Variants in GRIA3 observed in about 807,000 individuals in gnomAD.
GRIA3 encodes glutamate ionotropic receptor AMPA type subunit 3.
GRIA3 carries 3 observed loss-of-function variants against 63.0 expected under a neutral mutation model. The observed-to-expected ratio is 0.05, with a 90% CI of 0.02 to 0.12. GRIA3 has a LOEUF of 0.12. Ranked by LOEUF, GRIA3 falls within the 10% of genes least tolerant of loss-of-function variation. The pLI, the probability that GRIA3 is intolerant of heterozygous loss-of-function variation, is 1.00. For synonymous variants in GRIA3, 274 were observed against 257.9 expected (o/e 1.06, Z -0.60); for missense variants, 347 against 700.9 (o/e 0.50, Z 5.70).
intron 5 of GRIA3, among the ~76,000 whole-genome samples, chrX:123,381,760 T>C (rs768885190): frequency 3.6e-5 from 4 of 111,929 alleles, no homozygotes; most frequent in East Asian, 2.8e-4. Flanking sequence ...AATTTAGCAA[T>C]AGTTGATACA....
chrX:123,302,056 G>C (rs767746868), intron 3 of GRIA3, among the ~76,000 whole-genome samples: 2 of 112,034 alleles, frequency 1.8e-5, no homozygotes, highest in Non-Finnish European at 3.8e-5. Context: ...TAGAATAAAC[G>C]TATCTGGCCC....
intron 12 of GRIA3, among the ~76,000 whole-genome samples, chrX:123,444,127 C>G (rs1239664304): frequency 9.0e-6 from 1 of 111,289 alleles, no homozygotes; most frequent in Non-Finnish European, 1.9e-5. Context: ...AAAGATCTCT[C>G]CTACTATCAT....
At chrX:123,225,946 T>G (rs1486361340) in intron 2 of GRIA3, among the ~76,000 whole-genome samples, 2 of 111,887 alleles carry the variant, frequency 1.8e-5, no homozygotes, top group African/African-American at 6.5e-5. Context: ...CAAAAGATTA[T>G]CTTTCACAGT....
intron 2 of GRIA3, chrX:123,202,613 C>T (rs1178023676): frequency 8.6e-7 from 1 of 1,161,151 alleles, no homozygotes; most frequent in African/African-American, 1.8e-5. Flanking sequence ...AAGCAGCTTC[C>T]CCTCACCTTG....
chrX:123,414,699 G>C (rs2045526690), intron 10 of GRIA3, among the ~76,000 whole-genome samples: 1 of 107,751 alleles, frequency 9.3e-6, no homozygotes, highest in African/African-American at 3.4e-5. Context: ...TTGATAGTTT[G>C]CTGAGAATGA....
chrX:123,274,982 C>T (rs919443137), intron 3 of GRIA3, among the ~76,000 whole-genome samples: 41 of 111,206 alleles, frequency 3.7e-4, no homozygotes, highest in Non-Finnish European at 5.1e-4. Flanking sequence ...CAGTGGCTAA[C>T]GCACCTACCA....
intron 4 of GRIA3, among the ~76,000 whole-genome samples, chrX:123,331,180 T>G: frequency 9.0e-6 from 1 of 111,591 alleles, no homozygotes; most frequent in East Asian, 2.8e-4. Flanking sequence ...CTACCTAAAA[T>G]ATTATATAAT....
chrX:123,333,205 T>C (rs191346651), intron 4 of GRIA3, among the ~76,000 whole-genome samples: 128 of 112,144 alleles, frequency 1.1e-3, no homozygotes, highest in African/African-American at 3.8e-3. Context: ...GAGGTCAATC[T>C]GAGGTCATGC....
chrX:123,229,236 A>G (rs745671856), intron 2 of GRIA3, among the ~76,000 whole-genome samples: 1 of 111,415 alleles, frequency 9.0e-6, no homozygotes, highest in East Asian at 2.8e-4. Flanking sequence ...CCCCAGATTG[A>G]TGTGCTTTCC....
intron 12 of GRIA3, among the ~76,000 whole-genome samples, chrX:123,429,288 A>G (rs1331253466): frequency 3.6e-5 from 4 of 112,474 alleles, no homozygotes; most frequent in Admixed American, 2.8e-4. Context: ...AACCAGGAAG[A>G]GTACATTTCT....
At chrX:123,470,982 C>T (rs1458686789) in intron 13 of GRIA3, among the ~76,000 whole-genome samples, 1 of 112,142 alleles carries the variant, frequency 8.9e-6, no homozygotes, top group Non-Finnish European at 1.9e-5. Flanking sequence ...GATGGCACTT[C>T]CTGGGTCTTA....
At chrX:123,248,654 C>T (rs778786973) in intron 2 of GRIA3, among the ~76,000 whole-genome samples, 6 of 111,100 alleles carry the variant, frequency 5.4e-5, no homozygotes, top group South Asian at 3.9e-4. Flanking sequence ...GGCATGGTGG[C>T]GCATGCCTGT....
intron 12 of GRIA3, among the ~76,000 whole-genome samples, chrX:123,429,809 G>A (rs1451335382): frequency 9.0e-6 from 1 of 111,651 alleles, no homozygotes; most frequent in Non-Finnish European, 1.9e-5. Flanking sequence ...CCTCAGATAA[G>A]AGATACTTGT....
In GRIA3 at chrX:123,347,691, T is replaced by G. The variant is rs529562916; in HGVS notation, c.697-7219T>G. ...TATCCTACCAGCCATGCTTAAATTT[T>G]GCACACAATAATGGAACTAATAAGT... On this transcript the variant is annotated intron_variant, in intron 4 of 15. Coordinates refer to ENST00000620443, the MANE Select transcript of GRIA3 (RefSeq NM_007325.5). 2.7e-5 allele frequency among the ~76,000 whole-genome samples: 3 copies of G among 112,362 alleles called. No individual in the cohort carries two copies. The South Asian group carries it at 1.1e-3, about 42-fold the overall frequency.
chrX:123,205,856 TATG>T (rs1569398503), intron 2 of GRIA3, among the ~76,000 whole-genome samples: 1 of 111,744 alleles, frequency 8.9e-6, no homozygotes, highest in Admixed American at 9.5e-5. Context: ...TGCCTGTGCA[TATG>T]ATAATAAAAA....
In GRIA3 at chrX:123,463,969, C is replaced by T. The variant is rs1347890098; in HGVS notation, c.2077-896C>T. ...TATTTCTATACACTCTAAATAGAGA[C>T]AGACATTACCAACTACAATGTGCCT... On this transcript the variant is annotated intron_variant, in intron 12 of 15. Transcript: ENST00000620443. Among the ~76,000 whole-genome samples, 3 of 111,054 alleles carry T rather than the reference C, an allele frequency of 2.7e-5. No individual in the cohort carries two copies. In the East Asian group the frequency reaches 8.5e-4, roughly 32 times the overall value.
At chrX:123,285,719 T>C (rs1336453386) in intron 3 of GRIA3, among the ~76,000 whole-genome samples, 1 of 110,000 alleles carries the variant, frequency 9.1e-6, no homozygotes, top group African/African-American at 3.3e-5. Context: ...AAGAGCTAAC[T>C]ATCCTAAATA....
At chrX:123,321,225 A>G (rs1481706547) in intron 3 of GRIA3, among the ~76,000 whole-genome samples, 7 of 112,219 alleles carry the variant, frequency 6.2e-5, no homozygotes, top group African/African-American at 2.3e-4. Context: ...GCCTCTCTAT[A>G]GAACATTTCG....
rs2044404396 is a variant in GRIA3 at position 123,253,817 on chromosome X, A to C, written c.508+275A>C. ...GTTGAAAAAGAACGCCTCCCCCATCAAAAATTTTATCTGGTCTAAAATGTA... is the reference window on the plus strand; with the variant it reads ...GTTGAAAAAGAACGCCTCCCCCATCCAAAATTTTATCTGGTCTAAAATGTA... On this transcript the variant is annotated intron_variant, in intron 3 of 15. Coordinates refer to ENST00000620443, the MANE Select transcript of GRIA3 (RefSeq NM_007325.5). 3 of 306,950 alleles carry C rather than the reference A, an allele frequency of 9.8e-6. No homozygotes were observed. In the Admixed American group the frequency reaches 1.6e-4, roughly 17 times the overall value. 25.3% of individuals were successfully genotyped at this position (306,950 alleles called of 1,213,427 possible).
Sources: gnomAD v4.1 joint callset for allele counts (sites outside exome capture counted in the v4.1 genomes callset) on GRCh38, gnomAD v4.1.1 for gene constraint, MANE v1.5 for transcripts, NCBI Gene and HGNC (gene_info 2026-07-23, HGNC 2026-07-21) for gene names.